ZNF138: variants seen among roughly 807,000 people sequenced by gnomAD.
The protein encoded by ZNF138 is zinc finger protein 138.
ZNF138 carries 33 observed loss-of-function variants against 33.0 expected under a neutral mutation model. That is an observed-to-expected ratio of 1.00 (90% CI 0.76 to 1.34). ZNF138 has a LOEUF of 1.34. Ranked by LOEUF, ZNF138 falls within the 40% of genes most tolerant of loss-of-function variation. ZNF138 has a pLI of 0.00. For missense variants in ZNF138, 360 were observed against 370.8 expected (o/e 0.97, Z 0.24); for synonymous variants, 139 against 120.4 (o/e 1.15, Z -1.01).
intron 3 of ZNF138, among the ~76,000 whole-genome samples, chr7:64,824,692 C>A (rs112237552): frequency 0.019 from 2,845 of 152,160 alleles, 87 homozygotes; most frequent in African/African-American, 0.065. Flanking sequence ...GATAAATTTA[C>A]CCATTTTAGT....
chr7:64,803,363 A>G (rs1787316451), intron 1 of ZNF138, among the ~76,000 whole-genome samples: 1 of 151,924 alleles, frequency 6.6e-6, no homozygotes, highest in Admixed American at 6.6e-5. Flanking sequence ...GCACAAAGAT[A>G]GGATTACATT....
the ZNF138 span, among the ~76,000 whole-genome samples, chr7:64,840,362 G>A: frequency 6.6e-6 from 1 of 151,898 alleles, no homozygotes; most frequent in African/African-American, 2.4e-5. Flanking sequence ...TTTGCCAGTG[G>A]CTTCAAACTG....
chr7:64,853,814 A>G, the ZNF138 span, among the ~76,000 whole-genome samples: 1 of 152,028 alleles, frequency 6.6e-6, no homozygotes, highest in Non-Finnish European at 1.5e-5. Context: ...AGGTGTTATT[A>G]TCCTCAGTTT....
chr7:64,794,432 CGCTGCAGCGGGT>C lies in ZNF138; in HGVS notation c.-129_-118del. 1 of 1,328,760 alleles carries C rather than the reference CGCTGCAGCGGGT, an allele frequency of 7.5e-7. No individual in the cohort carries two copies. Among genetic ancestry groups the C allele is most frequent in the Non-Finnish European group, 1.1e-6 (1 of 940,630 alleles). The allele number at this position is 1,328,760 out of a possible 1,614,324, so 82.3% of individuals were successfully genotyped here. ...CCGGGAGGCGGCGGGGTCTTTGTCTCGCTGCAGCGGGTGCTGCAGGTCTGGCCTTCACTTTTC... is the reference window on the plus strand; with the variant it reads ...CCGGGAGGCGGCGGGGTCTTTGTCTCGCTGCAGGTCTGGCCTTCACTTTTC... On this transcript the variant is annotated 5_prime_UTR_variant, in exon 1 of 4. Transcript: ENST00000307355.
Position 64,832,079 on chromosome 7 carries a change from C to T in ZNF138, c.837C>T (p.Tyr279=), listed in dbSNP as rs1022654900. ...HKIIHTEEKP[Y]KCEQCGKVFK... ...TAATTCATACTGAAGAGAAACCCTACAAATGTGAACAATGTGGCAAGGTCT... is the reference window on the plus strand; with the variant it reads ...TAATTCATACTGAAGAGAAACCCTATAAATGTGAACAATGTGGCAAGGTCT... Residue 279 remains tyrosine, a synonymous_variant, in exon 4 of 4, where the codon TAC becomes TAT. Coordinates refer to ENST00000307355, the MANE Select transcript of ZNF138 (RefSeq NM_001271639.2). The T allele has an allele frequency of 6.2e-7, 1 of 1,613,840 alleles. No homozygotes were observed. Among genetic ancestry groups the T allele is most frequent in the South Asian group, 1.1e-5 (1 of 91,076 alleles).
intron 1 of ZNF138, 122 bp from the exon 2 acceptor site, chr7:64,814,796 T>C: frequency 7.9e-7 from 1 of 1,262,240 alleles, no homozygotes; most frequent in Non-Finnish European, 1.1e-6. Context: ...ATAATTTCAG[T>C]CACTCCTGTA....
At chr7:64,806,585 C>CAAAT (rs1787617849) in intron 1 of ZNF138, among the ~76,000 whole-genome samples, 1 of 151,756 alleles carries the variant, frequency 6.6e-6, no homozygotes, top group Admixed American at 6.6e-5. Flanking sequence ...GGAAAACAAA[C>CAAAT]AAACATTTAT....
the ZNF138 span, among the ~76,000 whole-genome samples, chr7:64,840,401 TG>T: frequency 6.6e-6 from 1 of 152,208 alleles, no homozygotes; most frequent in Non-Finnish European, 1.5e-5. Context: ...TCGTTCCCGT[TG>T]GTTAAATTTT....
At chr7:64,859,659 A>G in the ZNF138 span, among the ~76,000 whole-genome samples, 1 of 152,256 alleles carries the variant, frequency 6.6e-6, no homozygotes, top group Non-Finnish European at 1.5e-5. Context: ...CTGTCTTTAA[A>G]AAGAAAGAGG....
At chr7:64,807,072 CT>C (rs1362932893) in intron 1 of ZNF138, among the ~76,000 whole-genome samples, 2 of 152,258 alleles carry the variant, frequency 1.3e-5, no homozygotes, top group East Asian at 3.8e-4. Context: ...CATGAGCGAT[CT>C]GTGACTTAAG....
At position 64,794,437 on chromosome 7, in the gene ZNF138, C is replaced by T. The variant is rs1786518831; in HGVS notation, c.-132C>T. On this transcript the variant is annotated 5_prime_UTR_variant, in exon 1 of 4. Transcript: ENST00000307355. ...AGGCGGCGGGGTCTTTGTCTCGCTG[C>T]AGCGGGTGCTGCAGGTCTGGCCTTC... The T allele has an allele frequency of 2.9e-6, 4 of 1,364,230 alleles. No homozygotes were observed. Among genetic ancestry groups the T allele is most frequent in the Admixed American group, 3.6e-5 (2 of 56,014 alleles). The allele number at this position is 1,364,230 out of a possible 1,614,324, so 84.5% of individuals were successfully genotyped here.
At chr7:64,830,902 G>A in intron 3 of ZNF138, 3 of 1,530,296 alleles carry the variant, frequency 2.0e-6, no homozygotes, top group South Asian at 2.5e-5. Flanking sequence ...TTAATAGTCA[G>A]TAGTCACTTG....
intron 3 of ZNF138, among the ~76,000 whole-genome samples, chr7:64,822,020 G>T (rs911854800): frequency 2.1e-5 from 3 of 144,220 alleles, no homozygotes; most frequent in Non-Finnish European, 4.5e-5. Context: ...CTGGGTTCAC[G>T]CCATTCTTCT....
At chr7:64,816,735 G>A (rs1788667447) in intron 3 of ZNF138, among the ~76,000 whole-genome samples, 4 of 152,174 alleles carry the variant, frequency 2.6e-5, no homozygotes, top group South Asian at 2.1e-4. Flanking sequence ...TATTGACAAT[G>A]ACACAATATA....
the ZNF138 span, among the ~76,000 whole-genome samples, chr7:64,850,408 G>A: frequency 2.0e-5 from 3 of 152,140 alleles, no homozygotes; most frequent in East Asian, 1.9e-4. Flanking sequence ...TTAATGATGC[G>A]AGTCTCCACA....
chr7:64,814,295 C>A, intron 1 of ZNF138: 1 of 288,100 alleles, frequency 3.5e-6, no homozygotes, highest in Non-Finnish European at 6.0e-6. Flanking sequence ...CTGAAAAATA[C>A]ACACAACTTA....
chr7:64,801,670 G>A (rs568774068), intron 1 of ZNF138, among the ~76,000 whole-genome samples: 1 of 152,176 alleles, frequency 6.6e-6, no homozygotes, highest in African/African-American at 2.4e-5. Context: ...TAGATTTCTA[G>A]TAGGGCTATT....
the ZNF138 span, among the ~76,000 whole-genome samples, chr7:64,839,293 G>A: frequency 9.2e-5 from 14 of 152,286 alleles, no homozygotes; most frequent in African/African-American, 2.4e-4. Flanking sequence ...GGGAGGTTGC[G>A]CAGGAGGCAC....
the ZNF138 span, among the ~76,000 whole-genome samples, chr7:64,840,656 A>C: frequency 6.6e-6 from 1 of 152,156 alleles, no homozygotes; most frequent in African/African-American, 2.4e-5. Context: ...TTATGAGTGA[A>C]ATAAAAATTA....
Sources: gnomAD v4.1 joint callset for allele counts (sites outside exome capture counted in the v4.1 genomes callset) on GRCh38, gnomAD v4.1.1 for gene constraint, MANE v1.5 for transcripts, NCBI Gene and HGNC (gene_info 2026-07-23, HGNC 2026-07-21) for gene names.